Variants in PHLPP1 observed in about 807,000 individuals in gnomAD.
PHLPP1 encodes the protein PH domain and leucine rich repeat protein phosphatase 1, also known as PH domain leucine-rich repeat-containing protein phosphatase 1.
A neutral mutation model predicts 117.2 loss-of-function variants in PHLPP1; 42 were observed. The observed-to-expected ratio is 0.36, with a 90% CI of 0.28 to 0.46. PHLPP1 has a LOEUF of 0.46. Among genes scored for constraint, PHLPP1 ranks in the 20% least tolerant of loss-of-function variants. The pLI is 1.00. For synonymous variants in PHLPP1, 1,042 were observed against 970.7 expected, an observed-to-expected ratio of 1.07 and a Z score of -1.37; for missense variants, 2,084 against 2,241.9, an observed-to-expected ratio of 0.93 and a Z score of 1.42.
intron 1 of PHLPP1, among the ~76,000 whole-genome samples, chr18:62,803,231 C>T (rs1913837591): frequency 6.6e-6 from 1 of 152,040 alleles, no homozygotes; most frequent in Admixed American, 6.5e-5. Flanking sequence ...TTTTCTAAAT[C>T]ACATAGTTTT....
At position 62,800,471 on chromosome 18, in the gene PHLPP1, A is replaced by G. The variant is rs13381811; in HGVS notation, c.1577-29564A>G. Among the ~76,000 whole-genome samples the G allele has an allele frequency of 1.4e-3, 217 of 152,164 alleles. 1 individual carries two copies. The highest frequency in any genetic ancestry group is 2.8e-3 in the Non-Finnish European group (188 of 68,014). On this transcript the variant is annotated intron_variant, in intron 1 of 16. Transcript: ENST00000262719. ...AGTTAATATTAGGTATATAGTGGTG[A>G]TCTCAACTTTTTTTCTGCTTCTAGA...
chr18:62,778,808 A>G (rs190042546), intron 1 of PHLPP1, among the ~76,000 whole-genome samples: 4 of 152,302 alleles, frequency 2.6e-5, no homozygotes, highest in African/African-American at 4.8e-5. Flanking sequence ...TTATTGATTA[A>G]TGTTTATAGC....
At chr18:62,817,114 G>A (rs1391905096) in intron 1 of PHLPP1, among the ~76,000 whole-genome samples, 1 of 152,032 alleles carries the variant, frequency 6.6e-6, no homozygotes. Flanking sequence ...GCTAATTTTT[G>A]TACTTTTTTG....
chr18:62,733,817 G>C (rs1334764659), intron 1 of PHLPP1, among the ~76,000 whole-genome samples: 2 of 152,116 alleles, frequency 1.3e-5, no homozygotes, highest in Non-Finnish European at 2.9e-5. Context: ...TTCAGTTCTG[G>C]GATCCTGAAT....
intron 1 of PHLPP1, among the ~76,000 whole-genome samples, chr18:62,781,488 C>A (rs1003567174): frequency 6.6e-6 from 1 of 152,158 alleles, no homozygotes; most frequent in Admixed American, 6.5e-5. Flanking sequence ...CTCCTGGCTC[C>A]ACATCAGGCC....
At chr18:62,897,644 T>G (rs1001438013) in intron 6 of PHLPP1, among the ~76,000 whole-genome samples, 2 of 152,064 alleles carry the variant, frequency 1.3e-5, no homozygotes, top group African/African-American at 4.8e-5. Context: ...GTAGCTGGGA[T>G]TACAAGTGCC....
intron 1 of PHLPP1, among the ~76,000 whole-genome samples, chr18:62,811,956 G>C (rs1255039664): frequency 6.6e-6 from 1 of 152,088 alleles, no homozygotes; most frequent in African/African-American, 2.4e-5. Context: ...AAGTTTTTAG[G>C]AAATTGTTTT....
intron 1 of PHLPP1, among the ~76,000 whole-genome samples, chr18:62,737,171 T>C (rs1463280609): frequency 6.6e-6 from 1 of 152,116 alleles, no homozygotes; most frequent in Non-Finnish European, 1.5e-5. Flanking sequence ...CTGGGAAAGA[T>C]TCTCTGAGAA....
intron 1 of PHLPP1, among the ~76,000 whole-genome samples, chr18:62,825,724 G>A (rs1914594944): frequency 6.6e-6 from 1 of 151,994 alleles, no homozygotes; most frequent in Non-Finnish European, 1.5e-5. Context: ...AAAGTGCTGA[G>A]ATTACAGGCA....
chr18:62,893,389 A>G lies in PHLPP1; in HGVS notation c.2067-1622A>G, dbSNP rs192591344. On this transcript the variant is annotated intron_variant, in intron 4 of 16. Transcript: ENST00000262719. Reference sequence around the variant, plus strand: ...GAAGGCCTAACGGCCCTAATATAAAACAGTTTAAAAACGATTATCCAGATT... The same window carrying G: ...GAAGGCCTAACGGCCCTAATATAAAGCAGTTTAAAAACGATTATCCAGATT... Among the ~76,000 whole-genome samples the G allele has an allele frequency of 7.0e-4, 106 of 152,298 alleles. 2 individuals carry two copies. In the East Asian group the frequency reaches 0.015, roughly 22 times the overall value.
chr18:62,783,684 T>A (rs1413185320), intron 1 of PHLPP1, among the ~76,000 whole-genome samples: 4 of 55,244 alleles, frequency 7.2e-5, no homozygotes, highest in Non-Finnish European at 1.3e-4. Flanking sequence ...CCCTTTTTTC[T>A]TGATGCATTT....
intron 1 of PHLPP1, among the ~76,000 whole-genome samples, chr18:62,789,361 TG>T (rs1913391413): frequency 6.6e-6 from 1 of 152,132 alleles, no homozygotes; most frequent in African/African-American, 2.4e-5. Flanking sequence ...GTGTATGTGT[TG>T]TGTGTAGCTG....
chr18:62,789,568 G>A (rs187879318), intron 1 of PHLPP1, among the ~76,000 whole-genome samples: 329 of 152,006 alleles, frequency 2.2e-3, no homozygotes, highest in Non-Finnish European at 4.0e-3. Context: ...TAGGGGGTGG[G>A]GACTGACTCC....
chr18:62,796,824 G>A (rs1170510735), intron 1 of PHLPP1, among the ~76,000 whole-genome samples: 2 of 151,664 alleles, frequency 1.3e-5, no homozygotes, highest in Non-Finnish European at 3.0e-5. Flanking sequence ...CTGGAAGAGA[G>A]AATAAACTTG....
intron 1 of PHLPP1, among the ~76,000 whole-genome samples, chr18:62,717,851 GC>G (rs1910807706): frequency 6.7e-6 from 1 of 149,172 alleles, no homozygotes; most frequent in South Asian, 2.1e-4. Context: ...TTTCCCCAGC[GC>G]TTTTTTTGCT....
intron 1 of PHLPP1, among the ~76,000 whole-genome samples, chr18:62,820,990 A>G (rs991927176): frequency 4.6e-5 from 7 of 152,270 alleles, no homozygotes; most frequent in Non-Finnish European, 1.0e-4. Flanking sequence ...TGTCAATTAA[A>G]TTACATACTT....
intron 1 of PHLPP1, among the ~76,000 whole-genome samples, chr18:62,762,174 G>T (rs1244438688): frequency 6.6e-6 from 1 of 151,698 alleles, no homozygotes; most frequent in Non-Finnish European, 1.5e-5. Context: ...CATTTGTAAA[G>T]CTATGGTTTT....
rs1599151569 is a variant in PHLPP1 at position 62,978,838 on chromosome 18, A to G, written c.4561A>G (p.Ile1521Val). ...PSEQRCMLHPICLSNSFQRQL... is the reference protein window; with the variant it reads ...PSEQRCMLHPVCLSNSFQRQL... ...TGAGCAGCGCTGCATGCTCCACCCCATCTGTCTGTCCAACTCCTTCCAGCG... is the reference window on the plus strand; with the variant it reads ...TGAGCAGCGCTGCATGCTCCACCCCGTCTGTCTGTCCAACTCCTTCCAGCG... Residue 1521 changes from isoleucine to valine, a missense_variant, in exon 17 of 17, where the codon ATC becomes GTC. By Grantham distance (29) the Ile-to-Val change is conservative (BLOSUM62 3). Around this residue, in one of 2 missense-constraint regions of PHLPP1, gnomAD observed 1,365 missense variants for 1,605.9 expected, o/e 0.85. Transcript: ENST00000262719. The surrounding 1 kb of genome is among the most constrained non-coding windows in gnomAD (Gnocchi z 7.0). The G allele has an allele frequency of 6.2e-7, 1 of 1,609,158 alleles. No individual in the cohort carries two copies. The highest frequency in any genetic ancestry group is 1.1e-5 in the South Asian group (1 of 90,126).
intron 1 of PHLPP1, among the ~76,000 whole-genome samples, chr18:62,742,439 AT>A (rs952163602): frequency 2.2e-4 from 33 of 147,064 alleles, no homozygotes; most frequent in South Asian, 8.6e-4. Flanking sequence ...GCTTCATGTA[AT>A]TTTTTTTTTT....
Sources: allele counts gnomAD v4.1 joint callset (sites outside exome capture counted in the v4.1 genomes callset), GRCh38; gene constraint gnomAD v4.1.1; regional missense constraint gnomAD v4.1.1; non-coding constraint Gnocchi (gnomAD v3.1); transcripts MANE v1.5; gene names NCBI Gene and HGNC (gene_info 2026-07-23, HGNC 2026-07-21).